The following PHF24 variants were observed in gnomAD, a reference collection of about 807,000 sequenced individuals.
PHF24 encodes Galpha inhibitory interacting protein.
In PHF24, 25 loss-of-function variants were observed where a neutral mutation model predicts 42.6. The observed-to-expected ratio is 0.59, with a 90% CI of 0.43 to 0.82. PHF24 has a LOEUF of 0.82. Among genes scored for constraint, PHF24 ranks in the 40% least tolerant of loss-of-function variants. The probability of loss-of-function intolerance (pLI) is 0.00; values close to 1 mark genes in which losing one functional copy is unlikely to be tolerated. For missense variants in PHF24, 470 were observed against 538.1 expected (o/e 0.87, Z 1.25); for synonymous variants, 185 against 204.8 (o/e 0.90, Z 0.83).
the PHF24 span, chr9:34,922,158 G>A: frequency 1.1e-5 from 17 of 1,576,416 alleles, no homozygotes; most frequent in Non-Finnish European, 1.4e-5. Flanking sequence ...ATTTTAGAAC[G>A]AGGCAGACAA....
At chr9:34,823,650 G>T in the PHF24 span, among the ~76,000 whole-genome samples, 3 of 152,088 alleles carry the variant, frequency 2.0e-5, no homozygotes, top group Admixed American at 6.5e-5. Flanking sequence ...CAAAGGAAAG[G>T]GGGGAAGCTT....
At chr9:34,932,165 G>A in the PHF24 span, among the ~76,000 whole-genome samples, 1 of 152,118 alleles carries the variant, frequency 6.6e-6, no homozygotes, top group Non-Finnish European at 1.5e-5. Context: ...TCTATCATCT[G>A]TACCTGCTTT....
the PHF24 span, among the ~76,000 whole-genome samples, chr9:34,891,441 T>TGGCCCCAC: frequency 6.6e-6 from 1 of 152,216 alleles, no homozygotes; most frequent in Non-Finnish European, 1.5e-5. Flanking sequence ...AATTGCGGAC[T>TGGCCCCAC]GGCCCTCCTG....
chr9:34,863,227 C>A, the PHF24 span, among the ~76,000 whole-genome samples: 3 of 152,160 alleles, frequency 2.0e-5, no homozygotes, highest in Non-Finnish European at 4.4e-5. Context: ...AGGACACAAG[C>A]CTGGCTGGCT....
chr9:34,859,373 ACAGGGCTGCCACTTCTTC>A, the PHF24 span, among the ~76,000 whole-genome samples: 1 of 152,150 alleles, frequency 6.6e-6, no homozygotes. Context: ...GGAATTGAAA[ACAGGGCTGCCACTTCTTC>A]CAGACCAAGA....
the PHF24 span, among the ~76,000 whole-genome samples, chr9:34,691,531 C>T: frequency 1.3e-5 from 2 of 152,212 alleles, no homozygotes; most frequent in African/African-American, 2.4e-5. Context: ...ATTGCCCTGT[C>T]ATCCCATTGA....
the PHF24 span, among the ~76,000 whole-genome samples, chr9:34,757,912 T>C: frequency 6.6e-6 from 1 of 152,098 alleles, no homozygotes. Context: ...TAGGAGAACA[T>C]GTGTGGTTGC....
At chr9:34,797,796 G>GA in the PHF24 span, among the ~76,000 whole-genome samples, 10 of 152,158 alleles carry the variant, frequency 6.6e-5, no homozygotes, top group East Asian at 3.9e-4. Flanking sequence ...ATTTGGGCAG[G>GA]AAAAATCAAA....
At chr9:34,710,059 T>C in the PHF24 span, 1 of 1,613,690 alleles carries the variant, frequency 6.2e-7, no homozygotes. Flanking sequence ...AGCCAGTGAC[T>C]GAGCCATGTC....
chr9:34,953,962 C>A (rs1454698146), upstream of PHF24, among the ~76,000 whole-genome samples: 2 of 152,034 alleles, frequency 1.3e-5, no homozygotes, highest in Non-Finnish European at 2.9e-5. The surrounding 1 kb of genome is among the most constrained non-coding windows in gnomAD (Gnocchi z 4.1). Context: ...ACGACAACAA[C>A]AAAAACCCTT....
At chr9:34,746,686 G>T in the PHF24 span, among the ~76,000 whole-genome samples, 1 of 152,218 alleles carries the variant, frequency 6.6e-6, no homozygotes, top group African/African-American at 2.4e-5. Context: ...CTGTGAGTCA[G>T]TCTCCTTTCC....
chr9:34,803,160 A>G, the PHF24 span, among the ~76,000 whole-genome samples: 20 of 152,310 alleles, frequency 1.3e-4, no homozygotes, highest in East Asian at 3.5e-3. Flanking sequence ...AATTTGGAGT[A>G]GGTTCAGCTT....
At chr9:34,723,308 G>T in the PHF24 span, 5 of 1,551,610 alleles carry the variant, frequency 3.2e-6, no homozygotes, top group South Asian at 4.8e-5. Flanking sequence ...GTAGCCCAGG[G>T]CTGAGGCAGA....
the PHF24 span, among the ~76,000 whole-genome samples, chr9:34,948,720 C>T: frequency 5.9e-5 from 9 of 152,132 alleles, no homozygotes; most frequent in African/African-American, 1.4e-4. Context: ...CCTAACAACA[C>T]GTTTCTCAGA....
chr9:34,948,004 G>A, the PHF24 span, among the ~76,000 whole-genome samples: 4,633 of 151,872 alleles, frequency 0.031, 101 homozygotes, highest in Middle Eastern at 0.048. Flanking sequence ...AGCTACTCGG[G>A]AGGCTGAGGC....
the PHF24 span, among the ~76,000 whole-genome samples, chr9:34,720,438 C>G: frequency 4.5e-5 from 6 of 134,308 alleles, no homozygotes; most frequent in Non-Finnish European, 3.1e-5. Flanking sequence ...GGCGACAGAG[C>G]GAGACTCCGT....
the PHF24 span, among the ~76,000 whole-genome samples, chr9:34,924,712 G>GT: frequency 1.8e-4 from 28 of 152,228 alleles, no homozygotes; most frequent in South Asian, 1.2e-3. Flanking sequence ...GTTGGGTTTG[G>GT]TTTTTTATCC....
At chr9:34,873,585 C>G in the PHF24 span, among the ~76,000 whole-genome samples, 1 of 151,662 alleles carries the variant, frequency 6.6e-6, no homozygotes, top group Non-Finnish European at 1.5e-5. Flanking sequence ...GGTAACAGTA[C>G]CATGCTGTTT....
At chr9:34,935,743 GGGT>G in the PHF24 span, among the ~76,000 whole-genome samples, 5 of 150,790 alleles carry the variant, frequency 3.3e-5, no homozygotes, top group Admixed American at 6.6e-5. Flanking sequence ...TGTGGGGGGG[GGGT>G]GTGTGTGTGT....
Sources: allele counts gnomAD v4.1 joint callset (sites outside exome capture counted in the v4.1 genomes callset), GRCh38; gene constraint gnomAD v4.1.1; non-coding constraint Gnocchi (gnomAD v3.1); transcripts MANE v1.5; gene names NCBI Gene and HGNC (gene_info 2026-07-23, HGNC 2026-07-21).